Variants in NAT1 observed in about 807,000 individuals in gnomAD.
The protein encoded by NAT1 is arylamine N-acetyltransferase 1.
For synonymous variants in NAT1, 144 were observed against 122.6 expected (o/e 1.17, Z -1.16); for missense variants, 400 against 339.2 (o/e 1.18, Z -1.41).
At chr8:18,185,170 C>T (rs1337771065) in intron 2 of NAT1, among the ~76,000 whole-genome samples, 1 of 152,120 alleles carries the variant, frequency 6.6e-6, no homozygotes. Context: ...ATTAGATTAA[C>T]TTCATAAAAG....
rs949289683 is a variant in NAT1, at chr8:18,180,599, G to C, written n.92+9860G>C. ...GAGTTTGAGTTCTATTGCACAATAT[G>C]GTGACAATTTATATTAAGATATGAT... On this transcript the variant is annotated intron_variant and non_coding_transcript_variant, in intron 2 of 4. Transcript: ENST00000517441. Among the ~76,000 whole-genome samples the C allele has an allele frequency of 5.3e-5, 8 of 152,082 alleles. No homozygotes were observed. The East Asian group carries it at 1.5e-3, about 29-fold the overall frequency.
upstream of NAT1, among the ~76,000 whole-genome samples, chr8:18,207,592 C>T (rs894961618): frequency 5.3e-5 from 8 of 152,070 alleles, no homozygotes; most frequent in African/African-American, 1.9e-4. Flanking sequence ...GTCAGAATGG[C>T]GGTTATTAAA....
At chr8:18,178,625 T>G (rs1407976319) in intron 2 of NAT1, among the ~76,000 whole-genome samples, 1 of 152,176 alleles carries the variant, frequency 6.6e-6, no homozygotes, top group Non-Finnish European at 1.5e-5. Flanking sequence ...TTATCACTGT[T>G]CTTTCCATTT....
chr8:18,222,211 T>G lies in NAT1; in HGVS notation c.164T>G (p.Ile55Ser). ...GCCATGGACTTAGGCTTAGAGGCCA[T>G]TTTTGATCAAGTTGTGAGAAGAAAT... ...GDAMDLGLEA[I>S]FDQVVRRNRG... Residue 55 changes from isoleucine (I) to serine (S), a missense_variant, in exon 3 of 3, where the codon ATT becomes AGT. By Grantham distance (142) the Ile-to-Ser change is moderately radical (BLOSUM62 -2). Transcript: ENST00000307719. 6.2e-7 allele frequency: 1 copy of G among 1,614,148 alleles called. No homozygotes were observed. The highest frequency in any genetic ancestry group is 8.5e-7 in the Non-Finnish European group (1 of 1,180,010).
intron 2 of NAT1, among the ~76,000 whole-genome samples, chr8:18,200,557 T>C (rs1382103596): frequency 6.6e-6 from 1 of 152,084 alleles, no homozygotes; most frequent in African/African-American, 2.4e-5. Context: ...GGGAGGATGG[T>C]AAGGATTGAA....
chr8:18,205,753 A>C (rs1405957674), upstream of NAT1, among the ~76,000 whole-genome samples: 2 of 152,164 alleles, frequency 1.3e-5, no homozygotes, highest in African/African-American at 4.8e-5. Context: ...GTGCGTAGGC[A>C]TGGGGGCCGC....
At chr8:18,173,783 C>G (rs1802187296) in intron 2 of NAT1, among the ~76,000 whole-genome samples, 1 of 152,122 alleles carries the variant, frequency 6.6e-6, no homozygotes, top group Non-Finnish European at 1.5e-5. Context: ...ATGGGTGGTT[C>G]CTTTTAACAA....
chr8:18,203,024 G>C (rs1325550936), intron 2 of NAT1, among the ~76,000 whole-genome samples: 1 of 152,108 alleles, frequency 6.6e-6, no homozygotes. Flanking sequence ...CGAGATTGGT[G>C]TGCTTTTACA....
chr8:18,211,949 G>A (rs1804150727), intron 1 of NAT1, among the ~76,000 whole-genome samples: 1 of 152,174 alleles, frequency 6.6e-6, no homozygotes, highest in Admixed American at 6.5e-5. Context: ...GTCCACAATT[G>A]TACTTGTGCT....
At chr8:18,194,008 A>C (rs1382786850) in intron 2 of NAT1, among the ~76,000 whole-genome samples, 2 of 152,040 alleles carry the variant, frequency 1.3e-5, no homozygotes, top group Admixed American at 6.6e-5. Context: ...CCTCTTTCAA[A>C]CCTGTGGATC....
intron 1 of NAT1, among the ~76,000 whole-genome samples, chr8:18,211,524 G>A (rs1444784746): frequency 1.3e-5 from 2 of 152,192 alleles, no homozygotes; most frequent in African/African-American, 4.8e-5. Flanking sequence ...GGCCCTTGCT[G>A]TCTTCAGCAG....
At chr8:18,206,151 G>C (rs1002781134), upstream of NAT1, among the ~76,000 whole-genome samples, 3 of 152,210 alleles carry the variant, frequency 2.0e-5, no homozygotes, top group African/African-American at 4.8e-5. Flanking sequence ...TTCTGCTGGA[G>C]TTCCAGAGAC....
At position 18,222,776 on chromosome 8, in the gene NAT1, A is replaced by G; in HGVS notation, c.729A>G (p.Arg243=). The G allele has an allele frequency of 6.2e-7, 1 of 1,613,500 alleles. No homozygotes were observed. The highest frequency in any genetic ancestry group is 8.5e-7 in the Non-Finnish European group (1 of 1,179,818). ...TGGGCTTCACCCTCACCCATAGGAGATTCAATTATAAGGACAATACAGATC... is the reference window on the plus strand; with the variant it reads ...TGGGCTTCACCCTCACCCATAGGAGGTTCAATTATAAGGACAATACAGATC... The part of the protein sequence containing the change: ...CLVGFTLTHR[R]FNYKDNTDLI... The change falls in exon 3 of 3, where the codon AGA becomes AGG. Residue 243 remains arginine, a synonymous_variant. Transcript: ENST00000307719.
At chr8:18,221,400 G>C (rs1322531767) in intron 2 of NAT1, among the ~76,000 whole-genome samples, 1 of 151,012 alleles carries the variant, frequency 6.6e-6, no homozygotes, top group African/African-American at 2.4e-5. Flanking sequence ...GTTTTCCCAG[G>C]GCACTTACTA....
chr8:18,187,413 C>G (rs1212112025), intron 2 of NAT1, among the ~76,000 whole-genome samples: 2 of 152,144 alleles, frequency 1.3e-5, no homozygotes, highest in Non-Finnish European at 2.9e-5. Context: ...TTCATTGCAG[C>G]ACTATTCACA....
At chr8:18,173,232 T>A (rs1470963228) in intron 2 of NAT1, among the ~76,000 whole-genome samples, 1 of 152,086 alleles carries the variant, frequency 6.6e-6, no homozygotes, top group Admixed American at 6.6e-5. Context: ...ATTTCTTTGA[T>A]CCTTATTGCA....
chr8:18,186,134 C>A (rs561656294), intron 2 of NAT1, among the ~76,000 whole-genome samples: 9 of 151,638 alleles, frequency 5.9e-5, no homozygotes, highest in African/African-American at 2.2e-4. Flanking sequence ...AGTTTGTTAG[C>A]CATGTTTTAA....
intron 1 of NAT1, among the ~76,000 whole-genome samples, chr8:18,217,344 A>G (rs1405047779): frequency 6.6e-6 from 1 of 152,214 alleles, no homozygotes; most frequent in Non-Finnish European, 1.5e-5. Context: ...TGCCCCAAAT[A>G]CTTAACTTCC....
upstream of NAT1, among the ~76,000 whole-genome samples, chr8:18,207,970 A>G (rs1161668346): frequency 2.0e-5 from 3 of 152,216 alleles, no homozygotes; most frequent in East Asian, 5.8e-4. Context: ...TTGCAGGGAC[A>G]CGGATGAAGC....
Sources: allele counts gnomAD v4.1 joint callset (sites outside exome capture counted in the v4.1 genomes callset), GRCh38; gene constraint gnomAD v4.1.1; transcripts MANE v1.5; gene names NCBI Gene and HGNC (gene_info 2026-07-23, HGNC 2026-07-21).